MECOM: variants seen among roughly 807,000 people sequenced by gnomAD.
MECOM encodes MDS1 and EVI1 complex locus, also known as histone-lysine N-methyltransferase MECOM.
MECOM carries 13 observed loss-of-function variants against 116.3 expected under a neutral mutation model. That is an observed-to-expected ratio of 0.11 (90% confidence interval 0.07 to 0.18). The LOEUF (loss-of-function observed/expected upper bound fraction) is 0.18, where lower values mean the gene tolerates loss of function less well. MECOM is among the 10% of genes least tolerant of loss of function. MECOM has a pLI of 1.00. For synonymous variants in MECOM, 528 were observed against 535.2 expected (o/e 0.99, Z 0.19); for missense variants, 1,299 against 1,509.0 (o/e 0.86, Z 2.31).
intron 1 of MECOM, among the ~76,000 whole-genome samples, chr3:169,495,260 G>A (rs1753672809): frequency 1.3e-5 from 2 of 152,208 alleles, no homozygotes; most frequent in Admixed American, 1.3e-4. Flanking sequence ...AGCCTGGGTA[G>A]TGAAAAAGGT....
At chr3:169,323,508 G>A (rs184446599) in intron 2 of MECOM, among the ~76,000 whole-genome samples, 11 of 152,294 alleles carry the variant, frequency 7.2e-5, no homozygotes, top group African/African-American at 2.4e-4. Context: ...GCAGGCCAGG[G>A]AATGCTTATC....
chr3:169,292,666 C>T (rs1714805999), intron 2 of MECOM, among the ~76,000 whole-genome samples: 1 of 152,122 alleles, frequency 6.6e-6, no homozygotes, highest in Admixed American at 6.5e-5. Context: ...GGGTGAAGTG[C>T]ATGACAGCTG....
chr3:169,277,415 T>C (rs1406083597), intron 2 of MECOM, among the ~76,000 whole-genome samples: 1 of 152,172 alleles, frequency 6.6e-6, no homozygotes, highest in Non-Finnish European at 1.5e-5. Flanking sequence ...ATTCTTCTGT[T>C]TCTATGCAGA....
intron 2 of MECOM, among the ~76,000 whole-genome samples, chr3:169,301,222 A>G (rs1477133152): frequency 6.6e-6 from 1 of 152,226 alleles, no homozygotes; most frequent in Admixed American, 6.5e-5. Flanking sequence ...TGACTAGATT[A>G]TGTCTAACCT....
intron 1 of MECOM, among the ~76,000 whole-genome samples, chr3:169,565,179 G>A (rs1341933722): frequency 6.6e-6 from 1 of 152,158 alleles, no homozygotes; most frequent in Non-Finnish European, 1.5e-5. Context: ...TCCACGAGGG[G>A]AGAACTACCT....
Position 169,115,553 on chromosome 3 carries a change from C to T in MECOM, c.2319G>A (p.Leu773=). ...VTPATSQDQP[L]DLSMGSRSRA... ...TACTCCTACTGCCCATACTTAGATC[C>T]AGGGGCTGGTCTTGGCTTGTGGCAG... The change falls in exon 8 of 17, where the codon CTG becomes CTA. Residue 773 remains leucine (L), a synonymous_variant. Transcript: ENST00000651503. 3 of 1,614,108 alleles carry T rather than the reference C, an allele frequency of 1.9e-6. No homozygotes were observed. The highest frequency in any genetic ancestry group is 4.5e-5 in the East Asian group (2 of 44,876).
intron 1 of MECOM, among the ~76,000 whole-genome samples, chr3:169,543,702 GACAACATTCTTAAATTAT>G (rs1760378145): frequency 6.6e-6 from 1 of 152,090 alleles, no homozygotes. Context: ...AGAAAGTACA[GACAACATTCTTAAATTAT>G]TCTGTCTTAT....
intron 2 of MECOM, among the ~76,000 whole-genome samples, chr3:169,314,236 T>C (rs1206298939): frequency 6.6e-6 from 1 of 152,246 alleles, no homozygotes; most frequent in East Asian, 1.9e-4. Flanking sequence ...CAAGAATGAA[T>C]TGACCATATG....
chr3:169,655,915 C>T (rs1775489097), intron 1 of MECOM, among the ~76,000 whole-genome samples: 5 of 152,178 alleles, frequency 3.3e-5, no homozygotes, highest in Admixed American at 3.3e-4. Flanking sequence ...CTCACAGCAG[C>T]CCAAGGAGGG....
At chr3:169,270,465 A>C (rs1164082195) in intron 2 of MECOM, among the ~76,000 whole-genome samples, 1 of 152,070 alleles carries the variant, frequency 6.6e-6, no homozygotes, top group East Asian at 1.9e-4. Flanking sequence ...CTTATATATT[A>C]AACATATTTA....
intron 2 of MECOM, among the ~76,000 whole-genome samples, chr3:169,212,592 T>C (rs1750868212): frequency 7.1e-6 from 1 of 141,260 alleles, no homozygotes; most frequent in African/African-American, 2.6e-5. Context: ...CCAAAGCTCT[T>C]GACCTTTCTA....
At chr3:169,429,289 T>A (rs912452884) in intron 1 of MECOM, among the ~76,000 whole-genome samples, 3 of 152,140 alleles carry the variant, frequency 2.0e-5, no homozygotes, top group Non-Finnish European at 4.4e-5. Flanking sequence ...AGGTGTTACG[T>A]GTGTGGGTGT....
chr3:169,139,748 G>A (rs1560255986), intron 3 of MECOM, among the ~76,000 whole-genome samples: 1 of 151,950 alleles, frequency 6.6e-6, no homozygotes, highest in Non-Finnish European at 1.5e-5. Context: ...GAGGTGGATG[G>A]GGGTCTATGG....
intron 3 of MECOM, 55 bp downstream of exon 3, chr3:169,143,643 C>G: frequency 6.8e-7 from 1 of 1,464,612 alleles, no homozygotes; most frequent in Non-Finnish European, 9.1e-7. Context: ...ATTCTTCAGG[C>G]TCCAGTGATA....
At chr3:169,399,718 T>A (rs566301384) in intron 1 of MECOM, among the ~76,000 whole-genome samples, 1 of 152,220 alleles carries the variant, frequency 6.6e-6, no homozygotes, top group Admixed American at 6.5e-5. Context: ...CAGAAAGTTT[T>A]GTTTTATGTT....
chr3:169,276,651 C>A (rs1469246622), intron 2 of MECOM, among the ~76,000 whole-genome samples: 1 of 151,730 alleles, frequency 6.6e-6, no homozygotes, highest in African/African-American at 2.4e-5. Flanking sequence ...TCCTCAAAGG[C>A]AACCACTGTT....
intron 2 of MECOM, among the ~76,000 whole-genome samples, chr3:169,173,095 G>A (rs1744680088): frequency 6.6e-6 from 1 of 151,934 alleles, no homozygotes; most frequent in Non-Finnish European, 1.5e-5. Context: ...ACCAATAAAT[G>A]CAATAAAAAA....
At chr3:169,648,186 G>C (rs1376406366) in intron 1 of MECOM, among the ~76,000 whole-genome samples, 1 of 152,222 alleles carries the variant, frequency 6.6e-6, no homozygotes, top group African/African-American at 2.4e-5. Flanking sequence ...CCAATGCCAA[G>C]GATTCACTTG....
intron 1 of MECOM, among the ~76,000 whole-genome samples, chr3:169,492,247 T>C (rs1021711296): frequency 2.0e-5 from 3 of 152,188 alleles, no homozygotes; most frequent in African/African-American, 7.2e-5. Flanking sequence ...AAGAAAGAAT[T>C]AGCTTTCAAT....
Sources: allele counts gnomAD v4.1 joint callset (sites outside exome capture counted in the v4.1 genomes callset), GRCh38; gene constraint gnomAD v4.1.1; transcripts MANE v1.5; gene names NCBI Gene and HGNC (gene_info 2026-07-23, HGNC 2026-07-21).